PXDN: variants seen among roughly 807,000 people sequenced by gnomAD.
PXDN encodes the protein peroxidasin homolog.
Under a neutral mutation model 140.3 loss-of-function variants are expected in PXDN, and 77 were observed. The ratio of observed to expected loss-of-function variants is 0.55; its 90% CI spans 0.46 to 0.66. PXDN has a LOEUF of 0.66. PXDN is among the 30% of genes least tolerant of loss of function. PXDN has a pLI of 0.00. For missense variants in PXDN, 1,838 were observed against 2,039.5 expected, an observed-to-expected ratio of 0.90 and a Z score of 1.90; for synonymous variants, 911 against 857.4, an observed-to-expected ratio of 1.06 and a Z score of -1.09.
At chr2:1,678,990 C>G (rs905084044) in intron 7 of PXDN, among the ~76,000 whole-genome samples, 5 of 151,528 alleles carry the variant, frequency 3.3e-5, no homozygotes, top group Non-Finnish European at 7.4e-5. Flanking sequence ...CTAGAAGAAA[C>G]TTAAAAAAAA....
chr2:1,646,305 G>A (rs905657740), intron 17 of PXDN: 11 of 152,296 alleles, frequency 7.2e-5, no homozygotes, highest in African/African-American at 2.2e-4. Flanking sequence ...CAACACAGCC[G>A]CGGTCCACCT....
At chr2:1,683,908 T>C (rs544094319) in intron 5 of PXDN, among the ~76,000 whole-genome samples, 172 bp downstream of exon 5, 92 of 152,300 alleles carry the variant, frequency 6.0e-4, no homozygotes, top group African/African-American at 2.2e-3. Flanking sequence ...ATCAACACTC[T>C]CAATTAAAGA....
rs1682965132 is a variant in PXDN, at chr2:1,649,593, C to T, written c.2187G>A (p.Val729=). ...GGAAGCACATGTCCGAGCAGTTGTT[C>T]ACGCGCCGGTGGGCGGTACAGCCCG... The part of the protein sequence containing the change: ...NLSGCTAHRR[V]NNCSDMCFHQ... Residue 729 remains valine, a synonymous_variant, in exon 17 of 23, where the codon GTG becomes GTA. Transcript: ENST00000252804. This position sits in a 1 kb window ranked among gnomAD's most constrained non-coding sequence, Gnocchi z 7.1. 15 of 1,614,028 alleles carry T rather than the reference C, an allele frequency of 9.3e-6. No homozygotes were observed. Among genetic ancestry groups the T allele is most frequent in the Non-Finnish European group, 1.3e-5 (15 of 1,179,892 alleles).
chr2:1,679,695 T>C (rs1269897639), intron 7 of PXDN, among the ~76,000 whole-genome samples: 1 of 145,988 alleles, frequency 6.8e-6, no homozygotes, highest in Non-Finnish European at 1.5e-5. Flanking sequence ...GTGTGGTCTG[T>C]GTCTGCATGT....
At position 1,665,049 on chromosome 2, in the gene PXDN, A is replaced by T; in HGVS notation, c.1317T>A (p.Pro439=). The change falls in exon 11 of 23, where the codon CCT becomes CCA. Residue 439 remains proline (P), a synonymous_variant. Coordinates refer to ENST00000252804, the MANE Select transcript of PXDN (RefSeq NM_012293.3). ...VQALPQFTVT[P]QDRVVIEGQT... ...GGCCCTCAATAACGACTCTGTCCTG[A>T]GGCGTCACAGTGAACTGAGGAAGAG... is the stretch of plus-strand genomic sequence containing the variant. The T allele has an allele frequency of 6.2e-7, 1 of 1,610,244 alleles. No individual in the cohort carries two copies. Among genetic ancestry groups the T allele is most frequent in the Non-Finnish European group, 8.5e-7 (1 of 1,178,056 alleles).
rs538893041 is a variant in PXDN at position 1,663,311 on chromosome 2, T to G, written c.1567+294A>C. Among the ~76,000 whole-genome samples, 4 of 152,284 alleles carry G rather than the reference T, an allele frequency of 2.6e-5. No homozygotes were observed. In the East Asian group the frequency reaches 5.8e-4, roughly 22 times the overall value. On this transcript the variant is annotated intron_variant, in intron 12 of 22. Coordinates refer to ENST00000252804, the MANE Select transcript of PXDN (RefSeq NM_012293.3). ...CAACCCTTTTCTAAAATAATCTTAA[T>G]TAACCAAGGGAAAAAACCTGATAGA... is the stretch of plus-strand genomic sequence containing the variant.
chr2:1,663,464 C>T, intron 12 of PXDN, 141 bp downstream of exon 12: 1 of 1,171,930 alleles, frequency 8.5e-7, no homozygotes, highest in South Asian at 1.5e-5. Flanking sequence ...GGGGCACAAG[C>T]ACAATGACGG....
intron 9 of PXDN, 109 bp downstream of exon 9, chr2:1,673,534 T>C: frequency 7.0e-7 from 1 of 1,419,256 alleles, no homozygotes. Context: ...GAGCTTCAAC[T>C]TCAGACTTCA....
intron 7 of PXDN, among the ~76,000 whole-genome samples, chr2:1,679,634 G>T (rs1211372902): frequency 1.3e-5 from 2 of 148,472 alleles, no homozygotes; most frequent in Non-Finnish European, 3.0e-5. Context: ...CTGCACGTGT[G>T]TGTGTCTATA....
chr2:1,734,993 A>C (rs1685398149), intron 1 of PXDN, among the ~76,000 whole-genome samples: 1 of 152,230 alleles, frequency 6.6e-6, no homozygotes, highest in Non-Finnish European at 1.5e-5. Context: ...TCATTTCAAC[A>C]ATGTTCACAG....
chr2:1,661,768 G>A (rs1264162552), intron 13 of PXDN, among the ~76,000 whole-genome samples: 1 of 152,160 alleles, frequency 6.6e-6, no homozygotes, highest in African/African-American at 2.4e-5. Flanking sequence ...GTTTTTCTTT[G>A]CTTTTGTTAT....
At position 1,652,658 on chromosome 2, in the gene PXDN, G is replaced by C. The variant is rs1292158614; in HGVS notation, c.2104+970C>G. ...GGAAGCAGGAGCTGCGGAACATACA[G>C]CTTCACATTGGCTGGTGCCCAGGCT... is the stretch of plus-strand genomic sequence containing the variant. On this transcript the variant is annotated intron_variant, in intron 16 of 22. Coordinates refer to ENST00000252804, the MANE Select transcript of PXDN (RefSeq NM_012293.3). Among the ~76,000 whole-genome samples, 4 of 151,830 alleles carry C rather than the reference G, an allele frequency of 2.6e-5. No individual in the cohort carries two copies. The East Asian group carries it at 7.8e-4, about 29-fold the overall frequency.
At chr2:1,733,935 A>G (rs189518369) in intron 1 of PXDN, among the ~76,000 whole-genome samples, 45 of 152,296 alleles carry the variant, frequency 3.0e-4, no homozygotes, top group African/African-American at 1.1e-3. Context: ...AAGTAAAAGG[A>G]CTGAAATATG....
upstream of PXDN, chr2:1,744,534 C>G: frequency 1.6e-6 from 2 of 1,222,034 alleles, no homozygotes; most frequent in Admixed American, 4.3e-5. Context: ...GGCCGCGGCC[C>G]ACGTCCCAGC....
Position 1,744,305 on chromosome 2 carries a change from GCATGCAGCGCACGGT to G in PXDN, c.136_150del (p.Thr46_Met50del). ...GCGGGCACGGCCTCCAGCAGCAGAT[GCATGCAGCGCACGGT>G]GGTGCGGAAGCACAGGCAGCGGCTC... On this transcript the variant is annotated inframe_deletion, in exon 1 of 23. Transcript: ENST00000252804. 4 of 1,526,810 alleles carry G rather than the reference GCATGCAGCGCACGGT, an allele frequency of 2.6e-6. No individual in the cohort carries two copies. Among genetic ancestry groups the G allele is most frequent in the Non-Finnish European group, 3.5e-6 (4 of 1,143,276 alleles). The allele number at this position is 1,526,810 out of a possible 1,614,324, so 94.6% of individuals were successfully genotyped here.
chr2:1,661,976 G>C (rs1418613159), intron 13 of PXDN, 96 bp downstream of exon 13: 2 of 1,121,162 alleles, frequency 1.8e-6, no homozygotes, highest in East Asian at 5.2e-5. Flanking sequence ...CGTGGGCACT[G>C]GTCCGCCTAC....
chr2:1,744,168 C>T (rs1218499421), intron 1 of PXDN, 88 bp downstream of exon 1: 19 of 1,281,798 alleles, frequency 1.5e-5, no homozygotes, highest in Non-Finnish European at 1.6e-5. Flanking sequence ...CTCCACCCTC[C>T]GCGCCCCCCA....
intron 7 of PXDN, among the ~76,000 whole-genome samples, 193 bp downstream of exon 7, chr2:1,679,998 ATG>A (rs751658807): frequency 1.9e-3 from 157 of 82,294 alleles, no homozygotes; most frequent in East Asian, 2.1e-3. Context: ...TGTAAATGGT[ATG>A]TGTGTGTGTG....
At chr2:1,744,711 G>A (rs1353730288), upstream of PXDN, 2 of 304,814 alleles carry the variant, frequency 6.6e-6, no homozygotes, top group East Asian at 5.6e-5. Context: ...GCGCTCGGGG[G>A]CGCGGAGGAG....
Sources: gnomAD v4.1 joint callset for allele counts (sites outside exome capture counted in the v4.1 genomes callset) on GRCh38, gnomAD v4.1.1 for gene constraint, Gnocchi (gnomAD v3.1) non-coding constraint, MANE v1.5 for transcripts, NCBI Gene and HGNC (gene_info 2026-07-23, HGNC 2026-07-21) for gene names.